Variants in GNA14 observed in about 807,000 individuals in gnomAD.
GNA14 encodes the protein guanine nucleotide-binding protein subunit alpha-14.
Under a neutral mutation model 42.0 loss-of-function variants are expected in GNA14, and 50 were observed. The ratio of observed to expected loss-of-function variants is 1.19; its 90% CI spans 0.95 to 1.51. The LOEUF (loss-of-function observed/expected upper bound fraction) is 1.51, where lower values mean the gene tolerates loss of function less well. Ranked by LOEUF, GNA14 falls within the 40% of genes most tolerant of loss-of-function variation. The pLI, the probability that GNA14 is intolerant of heterozygous loss-of-function variation, is 0.00. For synonymous variants in GNA14, 173 were observed against 163.1 expected, an observed-to-expected ratio of 1.06 and a Z score of -0.46; for missense variants, 473 against 446.2, an observed-to-expected ratio of 1.06 and a Z score of -0.54.
intron 1 of GNA14, among the ~76,000 whole-genome samples, chr9:77,573,933 T>C (rs1288841921): frequency 1.3e-5 from 2 of 152,192 alleles, no homozygotes; most frequent in Non-Finnish European, 2.9e-5. Context: ...TATTCATATG[T>C]ATCTACAAGT....
chr9:77,437,666 C>A (rs1269764889), intron 2 of GNA14, among the ~76,000 whole-genome samples: 1 of 151,826 alleles, frequency 6.6e-6, no homozygotes. Flanking sequence ...AAGAAAGAAA[C>A]TTATAAAGAG....
At chr9:77,505,891 T>G (rs563038985) in intron 2 of GNA14, among the ~76,000 whole-genome samples, 2 of 152,072 alleles carry the variant, frequency 1.3e-5, no homozygotes, top group Non-Finnish European at 2.9e-5. Flanking sequence ...TGGGTGAAAA[T>G]AGGTTAGACC....
At chr9:77,640,264 C>T (rs12345054) in intron 1 of GNA14, among the ~76,000 whole-genome samples, 5,358 of 152,316 alleles carry the variant, frequency 0.035, 287 homozygotes, top group African/African-American at 0.11. Flanking sequence ...GCCCTGGTGA[C>T]AGTCCTTCCG....
At chr9:77,603,176 A>G (rs1330721702) in intron 1 of GNA14, among the ~76,000 whole-genome samples, 2 of 152,184 alleles carry the variant, frequency 1.3e-5, no homozygotes, top group Non-Finnish European at 2.9e-5. Context: ...TTATGTTTAT[A>G]TTAAAACCAG....
At chr9:77,593,569 C>A (rs981798217) in intron 1 of GNA14, among the ~76,000 whole-genome samples, 20 of 152,300 alleles carry the variant, frequency 1.3e-4, no homozygotes, top group African/African-American at 4.8e-4. Context: ...CTCAGCCTCC[C>A]AAAGTGCTGG....
intron 2 of GNA14, among the ~76,000 whole-genome samples, chr9:77,514,997 A>G (rs1459379015): frequency 6.6e-6 from 1 of 152,166 alleles, no homozygotes; most frequent in African/African-American, 2.4e-5. Context: ...AGGCAGATGG[A>G]GGATGTGAGA....
intron 2 of GNA14, among the ~76,000 whole-genome samples, chr9:77,440,445 T>G (rs1250204539): frequency 1.3e-5 from 2 of 152,264 alleles, no homozygotes; most frequent in Admixed American, 1.3e-4. Context: ...CTCCGAGCTC[T>G]CTGTTCAAGA....
intron 1 of GNA14, among the ~76,000 whole-genome samples, chr9:77,560,286 CTTTTTTTTTT>C (rs770870060): frequency 8.4e-6 from 1 of 119,556 alleles, no homozygotes; most frequent in African/African-American, 3.4e-5. Context: ...CCTCTCCAGT[CTTTTTTTTTT>C]TTTTTTTTTT....
intron 1 of GNA14, among the ~76,000 whole-genome samples, chr9:77,595,816 A>G (rs1466913694): frequency 2.6e-5 from 4 of 152,164 alleles, no homozygotes; most frequent in African/African-American, 4.8e-5. Context: ...GAGAGAGATA[A>G]GACGCACTCA....
intron 2 of GNA14, among the ~76,000 whole-genome samples, chr9:77,483,052 A>G (rs988826259): frequency 6.6e-6 from 1 of 151,870 alleles, no homozygotes; most frequent in Non-Finnish European, 1.5e-5. Context: ...TCTTCTCTCA[A>G]CTCATCAAAG....
rs138498301 is a variant in GNA14 at position 77,602,802 on chromosome 9, T to C, written c.124+44868A>G. 5.3e-3 allele frequency among the ~76,000 whole-genome samples: 800 copies of C among 152,336 alleles called. 10 individuals are homozygous for C. Among genetic ancestry groups the C allele is most frequent in the African/African-American group, 0.018 (747 of 41,578 alleles). ...CCTCATGGGCATGTGATCTGTGCAA[T>C]TGCACAGGGCTTCATGCTTTGAAAG... On this transcript the variant is annotated intron_variant, in intron 1 of 6. Transcript: ENST00000341700.
chr9:77,449,619 T>C (rs1166616671), intron 2 of GNA14, among the ~76,000 whole-genome samples: 1 of 152,098 alleles, frequency 6.6e-6, no homozygotes, highest in African/African-American at 2.4e-5. Flanking sequence ...GCTGCTGACT[T>C]TTAAGAGAAA....
At chr9:77,560,195 GTA>G (rs1822856010) in intron 1 of GNA14, among the ~76,000 whole-genome samples, 1 of 151,274 alleles carries the variant, frequency 6.6e-6, no homozygotes, top group Non-Finnish European at 1.5e-5. Flanking sequence ...TTTAAGGAAA[GTA>G]TATAAGTTTT....
At chr9:77,499,936 T>C (rs1836938422) in intron 2 of GNA14, among the ~76,000 whole-genome samples, 1 of 152,134 alleles carries the variant, frequency 6.6e-6, no homozygotes, top group East Asian at 1.9e-4. Context: ...CTATATAGCA[T>C]TTAAACACAT....
Position 77,542,185 on chromosome 9 carries a change from T to C in GNA14, c.125-12932A>G, listed in dbSNP as rs564696794. On this transcript the variant is annotated intron_variant, in intron 1 of 6. Transcript: ENST00000341700. ...TTTGTTTTCATAGGGGAGGACTTTT[T>C]CCTGAAGATATAAGATATGTACATC... Among the ~76,000 whole-genome samples the C allele has an allele frequency of 1.1e-4, 17 of 152,338 alleles. No individual in the cohort carries two copies. The East Asian group carries it at 3.1e-3, about 28-fold the overall frequency.
chr9:77,508,168 T>C (rs1393477502), intron 2 of GNA14, among the ~76,000 whole-genome samples: 3 of 152,168 alleles, frequency 2.0e-5, no homozygotes, highest in Non-Finnish European at 2.9e-5. Context: ...ACTTCCACCA[T>C]TGCCTCAATC....
At chr9:77,479,711 T>C (rs551428790) in intron 2 of GNA14, among the ~76,000 whole-genome samples, 186 of 152,294 alleles carry the variant, frequency 1.2e-3, no homozygotes, top group African/African-American at 3.8e-3. Flanking sequence ...TTGTTTGTAT[T>C]CTCTTTTATT....
chr9:77,526,099 TG>T (rs1209320644), intron 2 of GNA14, among the ~76,000 whole-genome samples: 5 of 139,778 alleles, frequency 3.6e-5, no homozygotes, highest in African/African-American at 1.1e-4. Flanking sequence ...TTTTTGGAGA[TG>T]GGGTTTCACC....
chr9:77,514,676 C>A (rs986246009), intron 2 of GNA14, among the ~76,000 whole-genome samples: 1 of 147,204 alleles, frequency 6.8e-6, no homozygotes, highest in South Asian at 2.2e-4. Context: ...TGCAGTGGTG[C>A]GATCTCGGCT....
Sources: gnomAD v4.1 joint callset for allele counts (sites outside exome capture counted in the v4.1 genomes callset) on GRCh38, gnomAD v4.1.1 for gene constraint, MANE v1.5 for transcripts, NCBI Gene and HGNC (gene_info 2026-07-23, HGNC 2026-07-21) for gene names.